The following MRPS25 variants were observed in gnomAD, a reference collection of about 807,000 sequenced individuals.
MRPS25 encodes mitochondrial ribosomal protein S25.
In MRPS25, 15 loss-of-function variants were observed where a neutral mutation model predicts 17.3. That is an observed-to-expected ratio of 0.87 (90% confidence interval 0.58 to 1.34). The LOEUF (loss-of-function observed/expected upper bound fraction) is 1.34. Among genes scored for constraint, MRPS25 ranks in the 40% most tolerant of loss-of-function variants. The pLI is 0.00. For synonymous variants in MRPS25, 94 were observed against 83.3 expected (o/e 1.13, Z -0.70); for missense variants, 225 against 218.6 (o/e 1.03, Z -0.19).
At chr3:15,052,710 A>C in intron 3 of MRPS25, 77 bp from the exon 4 acceptor site, 1 of 1,464,996 alleles carries the variant, frequency 6.8e-7, no homozygotes, top group East Asian at 2.3e-5. Flanking sequence ...CAGCCGAGAC[A>C]ACCCCACCAT....
At chr3:15,046,083 GGTGTTTTTAAGGAAGT>G (rs934406335), downstream of MRPS25, 1 of 152,228 alleles carries the variant, frequency 6.6e-6, no homozygotes, top group African/African-American at 2.4e-5. Flanking sequence ...ACTCCTGGAA[GGTGTTTTTAAGGAAGT>G]GTGTTACCTA....
downstream of MRPS25, chr3:15,048,264 C>T (rs1342892327): frequency 6.6e-6 from 1 of 152,612 alleles, no homozygotes; most frequent in Non-Finnish European, 1.5e-5. Context: ...ATTGTGCGAC[C>T]TTTCCCCGTC....
Position 15,052,518 on chromosome 3 carries a change from A to C in MRPS25, c.445T>G (p.Cys149Gly). 6.2e-7 allele frequency: 1 copy of C among 1,614,150 alleles called. No homozygotes were observed. The highest frequency in any genetic ancestry group is 8.5e-7 in the Non-Finnish European group (1 of 1,180,024). ...CICEVEGQVP[C>G]PSLVPLPKEM... The stretch of plus-strand genomic sequence containing the variant: ...TTGGGTAATGGCACCAGGCTGGGGC[A>C]GGGCACCTGCCCTTCCACTTCACAG... Residue 149 changes from cysteine to glycine, a missense_variant, in exon 4 of 4, where the codon TGC becomes GGC. Cys to Gly is a radical substitution (Grantham distance 159). Transcript: ENST00000253686.
rs1447658396 is a variant in MRPS25, at chr3:15,049,319, G to C, written c.*3122C>G. 1 of 152,664 alleles carries C rather than the reference G, an allele frequency of 6.6e-6. No homozygotes were observed. Among genetic ancestry groups the C allele is most frequent in the African/African-American group, 2.4e-5 (1 of 41,434 alleles). The allele number at this position is 152,664 out of a possible 1,614,324, so 9.5% of individuals were successfully genotyped here. On this transcript the variant is annotated 3_prime_UTR_variant, in exon 4 of 4. Transcript: ENST00000253686. ...TTTCTTCATGATAGTAGTAATGCCT[G>C]GCCCCCAAACAATGCAGCGCTCTCT... is the stretch of plus-strand genomic sequence containing the variant.
At chr3:15,057,060 C>G (rs2042682373) in intron 2 of MRPS25, among the ~76,000 whole-genome samples, 1 of 152,216 alleles carries the variant, frequency 6.6e-6, no homozygotes, top group African/African-American at 2.4e-5. Context: ...TCTTGGCAGC[C>G]AGGAGGCCCA....
chr3:15,062,153 G>A (rs1390543839), intron 1 of MRPS25, among the ~76,000 whole-genome samples: 14 of 21,278 alleles, frequency 6.6e-4, no homozygotes, highest in African/African-American at 3.5e-3. Context: ...TCAGCCCCCC[G>A]CCCGGCCAGC....
intron 3 of MRPS25, 21 bp downstream of exon 3, chr3:15,053,359 A>G: frequency 6.2e-7 from 1 of 1,614,170 alleles, no homozygotes. Flanking sequence ...TGTTCCTTCC[A>G]GGTCAAACCA....
At chr3:15,054,205 T>C (rs73035807) in intron 2 of MRPS25, among the ~76,000 whole-genome samples, 10,912 of 149,090 alleles carry the variant, frequency 0.073, 428 homozygotes, top group Middle Eastern at 0.11. Flanking sequence ...TGTGAGACTT[T>C]GTCTCGAAAA....
chr3:15,050,858 C>G lies in MRPS25; in HGVS notation c.*1583G>C, dbSNP rs528964614. 5 of 985,356 alleles carry G rather than the reference C, an allele frequency of 5.1e-6. No individual in the cohort carries two copies. In the African/African-American group the frequency reaches 8.7e-5, roughly 17 times the overall value. The allele number at this position is 985,356 out of a possible 1,614,324, so 61.0% of individuals were successfully genotyped here. ...CAAATGTAAAAGATCCAAATCTGCT[C>G]AATTTAATGTGATAATCTCCAACAG... On this transcript the variant is annotated 3_prime_UTR_variant, in exon 4 of 4. Transcript: ENST00000253686.
chr3:15,046,785 T>C (rs2042467906), downstream of MRPS25: 2 of 152,704 alleles, frequency 1.3e-5, no homozygotes, highest in Admixed American at 1.3e-4. Flanking sequence ...GCCCTGGGAA[T>C]GCCTGAGCCA....
At chr3:15,046,027 T>C (rs1319113635), downstream of MRPS25, 1 of 152,152 alleles carries the variant, frequency 6.6e-6, no homozygotes, top group East Asian at 1.9e-4. Context: ...CAGGAAGAGA[T>C]TTTTTGAAAG....
At chr3:15,061,907 CCTGT>C (rs1304270966) in intron 1 of MRPS25, among the ~76,000 whole-genome samples, 5 of 150,884 alleles carry the variant, frequency 3.3e-5, no homozygotes, top group African/African-American at 9.8e-5. Flanking sequence ...CGGCAGCCGC[CCTGT>C]CTGAGAAGTG....
chr3:15,050,293 C>T lies in MRPS25; in HGVS notation c.*2148G>A, dbSNP rs970606063. 2.7e-6 allele frequency: 3 copies of T among 1,095,226 alleles called. No individual in the cohort carries two copies. Among genetic ancestry groups the T allele is most frequent in the Non-Finnish European group, 3.3e-6 (3 of 900,294 alleles). The allele number at this position is 1,095,226 out of a possible 1,614,324, so 67.8% of individuals were successfully genotyped here. On this transcript the variant is annotated 3_prime_UTR_variant, in exon 4 of 4. Transcript: ENST00000253686. ...GGGTCTGGGCTGTCCACCTCACTGC[C>T]CATTGCTCCTGTGTCAAGCCTGAAC...
chr3:15,047,246 C>T (rs1302620672), downstream of MRPS25: 1 of 152,372 alleles, frequency 6.6e-6, no homozygotes, highest in Non-Finnish European at 1.5e-5. Context: ...TGATTTTCTT[C>T]ACTCCATTTT....
In MRPS25 at chr3:15,059,402, T is replaced by C. The variant is rs1349908278; in HGVS notation, c.208A>G (p.Met70Val). Residue 70 changes from methionine to valine, a missense_variant, in exon 2 of 4, where the codon ATG (methionine) becomes GTG (valine). Physicochemically the swap from Met to Val is conservative, Grantham distance 21. Coordinates refer to ENST00000253686, the MANE Select transcript of MRPS25 (RefSeq NM_022497.5). The part of the protein sequence containing the change: ...PWVQIMMFKN[M>V]TPSPFLRFYL... ...AATCGCAGGAAGGGTGACGGCGTCA[T>C]GTTCTTAAACATCATGATCTGCACC... The C allele has an allele frequency of 4.3e-6, 7 of 1,613,674 alleles. No individual in the cohort carries two copies. Among genetic ancestry groups the C allele is most frequent in the Non-Finnish European group, 5.9e-6 (7 of 1,179,772 alleles).
In MRPS25 at chr3:15,050,718, CTG is replaced by C. The variant is rs533269688; in HGVS notation, c.*1721_*1722del. ...TCAATTAAACACTCCCTTTGTAAGT[CTG>C]TCACTCAAGGAACACCTGTCCATTA... On this transcript the variant is annotated 3_prime_UTR_variant, in exon 4 of 4. Coordinates refer to ENST00000253686, the MANE Select transcript of MRPS25 (RefSeq NM_022497.5). 2.7e-3 allele frequency: 2,634 copies of C among 985,408 alleles called. 5 individuals carry two copies. Among genetic ancestry groups the C allele is most frequent in the Non-Finnish European group, 3.0e-3 (2,526 of 829,924 alleles). The allele number at this position is 985,408 out of a possible 1,614,324, so 61.0% of individuals were successfully genotyped here.
In MRPS25 at chr3:15,059,421, C is replaced by A. The variant is rs1159038493; in HGVS notation, c.189G>T (p.Gln63His). 1 of 1,613,768 alleles carries A rather than the reference C, an allele frequency of 6.2e-7. No individual in the cohort carries two copies. The change falls in exon 2 of 4, where the codon CAG becomes CAT. Residue 63 changes from glutamine (Q) to histidine (H), a missense_variant. Gln to His is a conservative substitution (Grantham distance 24, BLOSUM62 0). Coordinates refer to ENST00000253686, the MANE Select transcript of MRPS25 (RefSeq NM_022497.5). ...PQIQYKNPWV[Q>H]IMMFKNMTPS... ...GCGTCATGTTCTTAAACATCATGAT[C>A]TGCACCCAAGGGTTTTTGTATTGAA...
At position 15,049,938 on chromosome 3, in the gene MRPS25, CAA is replaced by C. The variant is rs1243485840; in HGVS notation, c.*2501_*2502del. Reference sequence around the variant, plus strand: ...TAGATGGTGCTGCCAGGTAGTGCCTCAAAGAGAAGAAAAGTGGTCACTTCAGA... The same window carrying C: ...TAGATGGTGCTGCCAGGTAGTGCCTCAGAGAAGAAAAGTGGTCACTTCAGA... On this transcript the variant is annotated 3_prime_UTR_variant, in exon 4 of 4. Transcript: ENST00000253686. The C allele has an allele frequency of 2.0e-6, 3 of 1,530,554 alleles. No individual in the cohort carries two copies. The highest frequency in any genetic ancestry group is 2.0e-5 in the Admixed American group (1 of 49,266). The allele number at this position is 1,530,554 out of a possible 1,614,324, so 94.8% of individuals were successfully genotyped here. A position where few individuals can be genotyped will look rare whatever the true frequency, so the allele number is the denominator to read the frequency against.
chr3:15,060,531 A>AG (rs1306851682), intron 1 of MRPS25, among the ~76,000 whole-genome samples: 1 of 151,306 alleles, frequency 6.6e-6, no homozygotes, highest in Non-Finnish European at 1.5e-5. Context: ...AAAAAAAAAA[A>AG]AAAGAAAAGT....
Sources: gnomAD v4.1 joint callset for allele counts (sites outside exome capture counted in the v4.1 genomes callset) on GRCh38, gnomAD v4.1.1 for gene constraint, MANE v1.5 for transcripts, NCBI Gene and HGNC (gene_info 2026-07-23, HGNC 2026-07-21) for gene names.